SNTG1: variants seen among roughly 807,000 people sequenced by gnomAD.
SNTG1 encodes gamma-1-syntrophin.
A neutral mutation model predicts 74.7 loss-of-function variants in SNTG1; 39 were observed. That is an observed-to-expected ratio of 0.52 (90% CI 0.40 to 0.68). The LOEUF (loss-of-function observed/expected upper bound fraction) is 0.68. Ranked by LOEUF, SNTG1 falls within the 30% of genes least tolerant of loss-of-function variation. The probability of loss-of-function intolerance (pLI) is 0.00; values close to 1 mark genes in which losing one functional copy is unlikely to be tolerated. For synonymous variants in SNTG1, 254 were observed against 217.1 expected (o/e 1.17, Z -1.49); for missense variants, 685 against 609.5 (o/e 1.12, Z -1.30).
At chr8:50,606,696 G>C (rs1408093213) in intron 13 of SNTG1, among the ~76,000 whole-genome samples, 1 of 151,864 alleles carries the variant, frequency 6.6e-6, no homozygotes, top group East Asian at 1.9e-4. Context: ...TATGTTAATA[G>C]CTAGATGTTT....
chr8:50,173,317 A>T (rs1320293542), intron 2 of SNTG1, among the ~76,000 whole-genome samples: 3 of 152,210 alleles, frequency 2.0e-5, no homozygotes, highest in Non-Finnish European at 4.4e-5. Context: ...AGAAAAGGTT[A>T]GGATTGAAGT....
intron 1 of SNTG1, among the ~76,000 whole-genome samples, chr8:49,913,083 GC>G (rs1805718936): frequency 6.6e-6 from 1 of 152,160 alleles, no homozygotes; most frequent in Non-Finnish European, 1.5e-5. Flanking sequence ...ACCTTGATAA[GC>G]ATTCTGCTTT....
chr8:50,394,850 T>C lies in SNTG1; in HGVS notation c.27+585T>C, dbSNP rs760606449. Among the ~76,000 whole-genome samples the C allele has an allele frequency of 5.1e-3, 774 of 151,848 alleles. 5 individuals are homozygous for C. The highest frequency in any genetic ancestry group is 8.4e-3 in the Non-Finnish European group (572 of 67,934). Reference sequence around the variant, plus strand: ...CATCTTAGGAAGAAAAACTAACTTTTTTTTTTTTTTTTACTAAATATGTAA... The same window carrying C: ...CATCTTAGGAAGAAAAACTAACTTTCTTTTTTTTTTTTACTAAATATGTAA... On this transcript the variant is annotated intron_variant, in intron 3 of 18. Coordinates refer to ENST00000642720, the MANE Select transcript of SNTG1 (RefSeq NM_018967.5).
intron 11 of SNTG1, among the ~76,000 whole-genome samples, chr8:50,547,244 G>A (rs982429988): frequency 6.6e-6 from 1 of 152,160 alleles, no homozygotes; most frequent in Admixed American, 6.5e-5. Context: ...GATTGGTCAG[G>A]AGGTCCACAA....
intron 1 of SNTG1, among the ~76,000 whole-genome samples, chr8:50,081,645 T>A (rs1822424366): frequency 6.6e-6 from 1 of 152,162 alleles, no homozygotes; most frequent in African/African-American, 2.4e-5. Flanking sequence ...TTTTGTTTGG[T>A]ATTTTTTAGA....
At chr8:50,188,018 A>G (rs779646299) in intron 2 of SNTG1, among the ~76,000 whole-genome samples, 1 of 152,164 alleles carries the variant, frequency 6.6e-6, no homozygotes, top group East Asian at 1.9e-4. Context: ...TCACCAGCCA[A>G]TACTTGGATA....
chr8:50,354,929 A>C (rs2091775805), intron 2 of SNTG1, among the ~76,000 whole-genome samples: 1 of 152,184 alleles, frequency 6.6e-6, no homozygotes, highest in African/African-American at 2.4e-5. Flanking sequence ...TAGAGCACAA[A>C]TTTGATACTA....
chr8:50,113,234 A>G (rs571930251), intron 1 of SNTG1, among the ~76,000 whole-genome samples: 4 of 152,332 alleles, frequency 2.6e-5, no homozygotes, highest in African/African-American at 7.2e-5. Flanking sequence ...ATCCATGAGC[A>G]TGGAAAATTC....
At chr8:50,224,538 C>T (rs1236149815) in intron 2 of SNTG1, among the ~76,000 whole-genome samples, 4 of 152,260 alleles carry the variant, frequency 2.6e-5, no homozygotes, top group Non-Finnish European at 5.9e-5. Context: ...CTCCTCTATC[C>T]GTAAAACAAG....
At chr8:50,336,328 A>T (rs1271018855) in intron 2 of SNTG1, among the ~76,000 whole-genome samples, 1 of 152,176 alleles carries the variant, frequency 6.6e-6, no homozygotes, top group East Asian at 1.9e-4. Flanking sequence ...TTCTCTCAAC[A>T]TCTAGTCAAT....
intron 12 of SNTG1, among the ~76,000 whole-genome samples, chr8:50,580,392 T>G (rs2094602660): frequency 6.6e-6 from 1 of 152,124 alleles, no homozygotes; most frequent in South Asian, 2.1e-4. Flanking sequence ...GAGTTAAGGC[T>G]TTGGGGGACT....
At chr8:50,197,927 T>C (rs2083840241) in intron 2 of SNTG1, among the ~76,000 whole-genome samples, 1 of 152,298 alleles carries the variant, frequency 6.6e-6, no homozygotes, top group Non-Finnish European at 1.5e-5. Context: ...GTTCAAACAA[T>C]ACAATTTAAC....
chr8:50,344,859 G>A lies in SNTG1; in HGVS notation c.-27-49353G>A, dbSNP rs372391264. Among the ~76,000 whole-genome samples, 7 of 152,214 alleles carry A rather than the reference G, an allele frequency of 4.6e-5. 2 individuals are homozygous for A. The highest frequency in any genetic ancestry group is 6.5e-5 in the Admixed American group (1 of 15,292). ...AGACTGTGACTGTATTACAAGATAC[G>A]GCCTTTCAAGGTGTGATTAAGATTA... On this transcript the variant is annotated intron_variant, in intron 2 of 18. Coordinates refer to ENST00000642720, the MANE Select transcript of SNTG1 (RefSeq NM_018967.5).
At chr8:50,376,756 T>TATATATATATATATATATATAGAG (rs1381048539) in intron 2 of SNTG1, among the ~76,000 whole-genome samples, 5 of 89,988 alleles carry the variant, frequency 5.6e-5, no homozygotes, top group Non-Finnish European at 9.0e-5. Context: ...TATATATATA[T>TATATATATATATATATATATAGAG]AGAGAGAGAG....
chr8:50,325,132 G>A (rs1052705354), intron 2 of SNTG1, among the ~76,000 whole-genome samples: 2 of 150,620 alleles, frequency 1.3e-5, no homozygotes, highest in African/African-American at 4.9e-5. Flanking sequence ...GTAGTTATAT[G>A]GCAAGTCATA....
At chr8:50,396,808 G>A (rs151329010) in intron 3 of SNTG1, among the ~76,000 whole-genome samples, 2 of 152,134 alleles carry the variant, frequency 1.3e-5, no homozygotes, top group African/African-American at 4.8e-5. Flanking sequence ...AGTAGAAAAT[G>A]GATGATATTC....
intron 1 of SNTG1, among the ~76,000 whole-genome samples, chr8:50,144,588 G>A (rs866447509): frequency 6.6e-6 from 1 of 152,116 alleles, no homozygotes; most frequent in African/African-American, 2.4e-5. Context: ...GTGAATTGGA[G>A]GGCTCAAAAA....
Position 50,481,305 on chromosome 8 carries a change from C to T in SNTG1, c.364-21473C>T, listed in dbSNP as rs530224124. Among the ~76,000 whole-genome samples the T allele has an allele frequency of 7.5e-4, 114 of 152,194 alleles. 2 individuals are homozygous for T. The South Asian group carries it at 0.023, about 31-fold the overall frequency. Reference sequence around the variant, plus strand: ...CTGAGGCGGGAGAATTGCTTGAACCCGGGAGACGGAGGTTGCAGTGAGCGG... The same window carrying T: ...CTGAGGCGGGAGAATTGCTTGAACCTGGGAGACGGAGGTTGCAGTGAGCGG... On this transcript the variant is annotated intron_variant, in intron 8 of 18. Transcript: ENST00000642720.
intron 3 of SNTG1, among the ~76,000 whole-genome samples, chr8:50,398,491 T>C (rs74779215): frequency 0.02 from 2,992 of 152,330 alleles, 53 homozygotes; most frequent in Non-Finnish European, 0.031. Context: ...AATGATTGTT[T>C]CCTCAATTAA....
Sources: allele counts gnomAD v4.1 joint callset (sites outside exome capture counted in the v4.1 genomes callset), GRCh38; gene constraint gnomAD v4.1.1; transcripts MANE v1.5; gene names NCBI Gene and HGNC (gene_info 2026-07-23, HGNC 2026-07-21).